The following HBP1 variants were observed in gnomAD, a reference collection of about 807,000 sequenced individuals.
HBP1 encodes the protein HMG-box transcription factor 1.
Under a neutral mutation model 62.6 loss-of-function variants are expected in HBP1, and 20 were observed. That is an observed-to-expected ratio of 0.32 (90% CI 0.22 to 0.46). The LOEUF (loss-of-function observed/expected upper bound fraction) is 0.46, where lower values mean the gene tolerates loss of function less well. Ranked by LOEUF, HBP1 falls within the 20% of genes least tolerant of loss-of-function variation. The pLI, the probability that HBP1 is intolerant of heterozygous loss-of-function variation, is 1.00. For missense variants in HBP1, 480 were observed against 611.8 expected (o/e 0.78, Z 2.27); for synonymous variants, 232 against 206.2 (o/e 1.12, Z -1.07).
At chr7:107,178,752 G>C (rs925557139) in intron 1 of HBP1, among the ~76,000 whole-genome samples, 1 of 151,866 alleles carries the variant, frequency 6.6e-6, no homozygotes, top group East Asian at 1.9e-4. Context: ...ACTTTTTTTG[G>C]CCAGGTGCGG....
chr7:107,178,286 T>C (rs75035695), intron 1 of HBP1, among the ~76,000 whole-genome samples: 23,749 of 152,140 alleles, frequency 0.16, 2,308 homozygotes, highest in Non-Finnish European at 0.22. Flanking sequence ...GCTGGAACTA[T>C]AGGCATGAGC....
chr7:107,186,091 T>C lies in HBP1; in HGVS notation c.540+149T>C, dbSNP rs1797347453. On this transcript the variant is annotated intron_variant, in intron 4 of 10. Transcript: ENST00000222574. ...TCTGCTATGTGTTAGGAAAGCTTATTATTAATGGGAATGTGCGTATAACTA... is the reference window on the plus strand; with the variant it reads ...TCTGCTATGTGTTAGGAAAGCTTATCATTAATGGGAATGTGCGTATAACTA... 8.0e-6 allele frequency: 5 copies of C among 625,518 alleles called. No homozygotes were observed. The Admixed American group carries it at 1.2e-4, about 16-fold the overall frequency. 38.7% of individuals were successfully genotyped at this position (625,518 alleles called of 1,614,324 possible). A position where few individuals can be genotyped will look rare whatever the true frequency, so the allele number is the denominator to read the frequency against.
At chr7:107,183,642 T>A (rs1381171206) in intron 3 of HBP1, among the ~76,000 whole-genome samples, 1 of 152,134 alleles carries the variant, frequency 6.6e-6, no homozygotes, top group South Asian at 2.1e-4. Context: ...ATTTAACTAT[T>A]GGATTTTTTT....
chr7:107,190,382 T>A, intron 8 of HBP1, 65 bp downstream of exon 8: 1 of 1,068,002 alleles, frequency 9.4e-7, no homozygotes, highest in Non-Finnish European at 1.4e-6. Flanking sequence ...TCCCTAATGA[T>A]GGTTAAGTCA....
chr7:107,175,346 G>GTGA (rs1796784064), intron 1 of HBP1, among the ~76,000 whole-genome samples: 1 of 152,196 alleles, frequency 6.6e-6, no homozygotes, highest in African/African-American at 2.4e-5. Flanking sequence ...GTAGCAGCCT[G>GTGA]TGAGGTAGGT....
chr7:107,195,967 G>A lies in HBP1; in HGVS notation c.1201G>A (p.Gly401Ser). 1 of 1,614,058 alleles carries A rather than the reference G, an allele frequency of 6.2e-7. No homozygotes were observed. The highest frequency in any genetic ancestry group is 8.5e-7 in the Non-Finnish European group (1 of 1,179,994). The change falls in exon 9 of 11, where the codon GGC becomes AGC. Residue 401 changes from glycine (G) to serine (S), a missense_variant. Transcript: ENST00000222574. The part of the protein sequence containing the change: ...FARSGFSKNC[G>S]SPGSSQLSSN... ...AAGATCTGGATTCAGTAAAAACTGT[G>A]GCTCACCTGGATCATCACAGCTCTC...
At chr7:107,188,223 A>G (rs1315177703) in intron 6 of HBP1, among the ~76,000 whole-genome samples, 1 of 152,182 alleles carries the variant, frequency 6.6e-6, no homozygotes, top group Non-Finnish European at 1.5e-5. Context: ...ACATCTCTGC[A>G]TGAATATCAG....
chr7:107,176,803 T>C (rs1384889743), intron 1 of HBP1, among the ~76,000 whole-genome samples: 2 of 152,020 alleles, frequency 1.3e-5, no homozygotes, highest in South Asian at 2.1e-4. Context: ...TCGCTAGTTC[T>C]GTGGGGGAAA....
chr7:107,185,983 C>CAACAGGG, intron 4 of HBP1, 41 bp downstream of exon 4: 1 of 1,501,882 alleles, frequency 6.7e-7, no homozygotes, highest in Non-Finnish European at 9.3e-7. Flanking sequence ...AAAGTTTGTA[C>CAACAGGG]AACAGTTGAA....
Position 107,178,266 on chromosome 7 carries a change from A to T in HBP1, c.-15-1613A>T, listed in dbSNP as rs908173896. ...TGAAGTTGTCGTCCCCCTTCAGTCT[A>T]CCCTAAGTAGCTGGAACTATAGGCA... On this transcript the variant is annotated intron_variant, in intron 1 of 10. Transcript: ENST00000222574. Among the ~76,000 whole-genome samples, 19 of 152,224 alleles carry T rather than the reference A, an allele frequency of 1.2e-4. No homozygotes were observed. In the East Asian group the frequency reaches 3.7e-3, roughly 29 times the overall value.
intron 3 of HBP1, among the ~76,000 whole-genome samples, chr7:107,184,324 A>G (rs1364874419): frequency 6.6e-6 from 1 of 152,320 alleles, no homozygotes; most frequent in African/African-American, 2.4e-5. Context: ...GTATGCTACA[A>G]TGCATGGAAA....
intron 1 of HBP1, among the ~76,000 whole-genome samples, chr7:107,176,428 A>G (rs995864524): frequency 6.6e-6 from 1 of 152,210 alleles, no homozygotes; most frequent in African/African-American, 2.4e-5. Flanking sequence ...ATTGTTCATT[A>G]GTGAGATCCA....
intron 8 of HBP1, among the ~76,000 whole-genome samples, chr7:107,194,158 A>C (rs2115965312): frequency 6.6e-6 from 1 of 152,324 alleles, no homozygotes; most frequent in Middle Eastern, 3.4e-3. Context: ...TGCTGCAGTA[A>C]TGTTAGTCAT....
Position 107,200,377 on chromosome 7 carries a change from TACA to T in HBP1, c.1527+79_1527+81del, listed in dbSNP as rs1798176488. 2.1e-5 allele frequency: 26 copies of T among 1,252,780 alleles called. No homozygotes were observed. The South Asian group carries it at 3.6e-4, about 17-fold the overall frequency. The allele number at this position is 1,252,780 out of a possible 1,614,324, so 77.6% of individuals were successfully genotyped here. On this transcript the variant is annotated intron_variant, in intron 10 of 10. Transcript: ENST00000222574. ...TGTACTGGCATGTTGGAGCAGTTGT[TACA>T]ACCTTTAAGAGGTTGTGTTGATGCT... is the stretch of plus-strand genomic sequence containing the variant.
Position 107,193,524 on chromosome 7 carries a change from A to G in HBP1, c.1068-2310A>G, listed in dbSNP as rs868632120. On this transcript the variant is annotated intron_variant, in intron 8 of 10. Coordinates refer to ENST00000222574, the MANE Select transcript of HBP1 (RefSeq NM_012257.4). ...TTATTGTTCTTTTTGGCACCACTGC[A>G]TAGCATAGATTTATTTTACAGATAA... Among the ~76,000 whole-genome samples the G allele has an allele frequency of 2.0e-5, 3 of 152,324 alleles. No homozygotes were observed. The South Asian group carries it at 6.2e-4, about 32-fold the overall frequency.
chr7:107,190,594 GT>G (rs1444506793), intron 8 of HBP1, among the ~76,000 whole-genome samples: 1 of 152,086 alleles, frequency 6.6e-6, no homozygotes, highest in Non-Finnish European at 1.5e-5. Flanking sequence ...ATGACCAAGA[GT>G]TTAATGGTTC....
intron 10 of HBP1, chr7:107,201,069 A>C (rs1422613506): frequency 5.1e-6 from 1 of 194,722 alleles, no homozygotes; most frequent in Non-Finnish European, 1.0e-5. Flanking sequence ...TGCAGGTCAT[A>C]TCTGTTTAAA....
chr7:107,173,959 A>G (rs1022885394), intron 1 of HBP1, among the ~76,000 whole-genome samples: 7 of 152,236 alleles, frequency 4.6e-5, no homozygotes, highest in Admixed American at 4.6e-4. Flanking sequence ...CAAAATGAGT[A>G]TGTAATTGGT....
chr7:107,180,551 G>A (rs963858765), intron 2 of HBP1, among the ~76,000 whole-genome samples: 2 of 152,162 alleles, frequency 1.3e-5, no homozygotes, highest in African/African-American at 4.8e-5. Context: ...GAATTGTATT[G>A]CTTCAAGGCT....
Sources: allele counts gnomAD v4.1 joint callset (sites outside exome capture counted in the v4.1 genomes callset), GRCh38; gene constraint gnomAD v4.1.1; transcripts MANE v1.5; gene names NCBI Gene and HGNC (gene_info 2026-07-23, HGNC 2026-07-21).